Variants in MAD2L1BP observed in about 807,000 individuals in gnomAD.
The protein encoded by MAD2L1BP is MAD2L1 binding protein.
Under a neutral mutation model 28.4 loss-of-function variants are expected in MAD2L1BP, and 22 were observed. The ratio of observed to expected loss-of-function variants is 0.77; its 90% CI spans 0.55 to 1.10. The LOEUF is 1.10. MAD2L1BP is among the 50% of genes least tolerant of loss of function. The pLI is 0.00. For synonymous variants in MAD2L1BP, 146 were observed against 133.7 expected (o/e 1.09, Z -0.63); for missense variants, 325 against 350.5 (o/e 0.93, Z 0.58).
chr6:43,632,769 C>T (rs564464939), upstream of MAD2L1BP, among the ~76,000 whole-genome samples: 1 of 151,228 alleles, frequency 6.6e-6, no homozygotes, highest in Non-Finnish European at 1.5e-5. Context: ...TCCTGTAATC[C>T]CAGCACTTTG....
upstream of MAD2L1BP, among the ~76,000 whole-genome samples, chr6:43,634,007 G>T (rs1038286786): frequency 5.3e-5 from 8 of 152,152 alleles, no homozygotes; most frequent in African/African-American, 1.9e-4. Context: ...CTCCCTGGGT[G>T]ATCTTATTCA....
upstream of MAD2L1BP, chr6:43,633,387 G>T: frequency 3.4e-6 from 1 of 295,672 alleles, no homozygotes; most frequent in Non-Finnish European, 6.6e-6. Context: ...GGTCAGGCTG[G>T]TCTCAAACTC....
chr6:43,637,839 T>G (rs1770327997), intron 2 of MAD2L1BP, among the ~76,000 whole-genome samples: 1 of 152,072 alleles, frequency 6.6e-6, no homozygotes, highest in African/African-American at 2.4e-5. Context: ...CCTCAGGTGA[T>G]CCGCCTGCCT....
chr6:43,632,662 CTTTT>C (rs775956301), upstream of MAD2L1BP, among the ~76,000 whole-genome samples: 3 of 107,392 alleles, frequency 2.8e-5, no homozygotes, highest in African/African-American at 7.1e-5. Context: ...TGACACTTGT[CTTTT>C]TTTTTTTTTT....
At chr6:43,632,769 C>G (rs564464939), upstream of MAD2L1BP, among the ~76,000 whole-genome samples, 83 of 151,344 alleles carry the variant, frequency 5.5e-4, 2 homozygotes, top group South Asian at 8.1e-3. Flanking sequence ...TCCTGTAATC[C>G]CAGCACTTTG....
intron 1 of MAD2L1BP, among the ~76,000 whole-genome samples, chr6:43,630,657 C>A (rs1769853549): frequency 6.6e-6 from 1 of 151,772 alleles, no homozygotes; most frequent in Non-Finnish European, 1.5e-5. Context: ...GCAGGAGAAT[C>A]GCTTGAACCC....
intron 1 of MAD2L1BP, 128 bp downstream of exon 1, chr6:43,636,049 C>T: frequency 5.1e-6 from 5 of 985,362 alleles, no homozygotes; most frequent in South Asian, 4.4e-5. Context: ...GTGTCCTACA[C>T]GGCTCTGGCT....
At chr6:43,634,399 A>T (rs184779361), upstream of MAD2L1BP, among the ~76,000 whole-genome samples, 1,119 of 151,758 alleles carry the variant, frequency 7.4e-3, 16 homozygotes, top group African/African-American at 0.025. Flanking sequence ...TTAAAAAAAA[A>T]TTTTTAATTT....
At position 43,636,607 on chromosome 6, in the gene MAD2L1BP, T is replaced by C. The variant is rs1770236028; in HGVS notation, c.273T>C (p.Tyr91=). The part of the protein sequence containing the change: ...MYQRQQLPLP[Y]EQLKHFYRKP... Reference sequence around the variant, plus strand: ...AACGCCAGCAGCTCCCTCTGCCCTATGAACAGCTTAAGCACTTTTACCGAA... The same window carrying C: ...AACGCCAGCAGCTCCCTCTGCCCTACGAACAGCTTAAGCACTTTTACCGAA... The change falls in exon 2 of 3, where the codon TAT becomes TAC. Residue 91 remains tyrosine (Y), a synonymous_variant. Coordinates refer to ENST00000372171, the MANE Select transcript of MAD2L1BP (RefSeq NM_014628.3). The C allele has an allele frequency of 1.2e-6, 2 of 1,614,056 alleles. No individual in the cohort carries two copies. The highest frequency in any genetic ancestry group is 8.5e-7 in the Non-Finnish European group (1 of 1,180,036).
At chr6:43,631,368 G>T (rs1292757622), upstream of MAD2L1BP, among the ~76,000 whole-genome samples, 1 of 152,316 alleles carries the variant, frequency 6.6e-6, no homozygotes, top group Non-Finnish European at 1.5e-5. Flanking sequence ...TTGGAAGGAA[G>T]AGATAAGACC....
In MAD2L1BP at chr6:43,640,509, G is replaced by A; in HGVS notation, c.801G>A (p.Val267=). ...ACTACATTTGGTTCCAGGCACCAGTGACATTTAAAGGCTTCCGCGAGTGAA... is the reference window on the plus strand; with the variant it reads ...ACTACATTTGGTTCCAGGCACCAGTAACATTTAAAGGCTTCCGCGAGTGAA... ...WEDYIWFQAP[V]TFKGFRE The change falls in exon 3 of 3, where the codon GTG becomes GTA. Residue 267 remains valine, a synonymous_variant. Coordinates refer to ENST00000372171, the MANE Select transcript of MAD2L1BP (RefSeq NM_014628.3). 1.9e-6 allele frequency: 3 copies of A among 1,601,340 alleles called. No homozygotes were observed. Among genetic ancestry groups the A allele is most frequent in the Non-Finnish European group, 2.6e-6 (3 of 1,174,004 alleles).
chr6:43,636,355 C>T (rs775856507), intron 1 of MAD2L1BP, 26 bp from the exon 2 acceptor site: 13 of 1,611,438 alleles, frequency 8.1e-6, no homozygotes, highest in South Asian at 4.4e-5. Flanking sequence ...TAATTTTTCT[C>T]TCTTGTCCCT....
chr6:43,634,794 C>T (rs1242398434), upstream of MAD2L1BP, among the ~76,000 whole-genome samples: 2 of 152,104 alleles, frequency 1.3e-5, no homozygotes, highest in African/African-American at 2.4e-5. Context: ...CTCCTGACCT[C>T]GTGATCCACC....
Position 43,640,167 on chromosome 6 carries a change from C to G in MAD2L1BP, c.459C>G (p.Leu153=). ...ARTLVPRVLI[L]LGGNALSPKE... ...CACTAGTACCGCGAGTGCTGATTCT[C>G]CTTGGGGGCAATGCCCTAAGCCCCA... The change falls in exon 3 of 3, where the codon CTC becomes CTG. Residue 153 remains leucine, a synonymous_variant. Coordinates refer to ENST00000372171, the MANE Select transcript of MAD2L1BP (RefSeq NM_014628.3). The G allele has an allele frequency of 6.2e-7, 1 of 1,613,374 alleles. No homozygotes were observed.
chr6:43,634,254 C>T (rs1204256715), upstream of MAD2L1BP, among the ~76,000 whole-genome samples: 2 of 120,020 alleles, frequency 1.7e-5, no homozygotes, highest in Non-Finnish European at 3.2e-5. Flanking sequence ...TGGTCTTGCT[C>T]TGCTGCCCAG....
rs767998400 is a variant in MAD2L1BP, at chr6:43,640,342, G to A, written c.634G>A (p.Val212Ile). ...TCAGGCTCCTCCACTCATGGGCACCGTCGTCATGGCACAGGGACACCGCAA... is the reference window on the plus strand; with the variant it reads ...TCAGGCTCCTCCACTCATGGGCACCATCGTCATGGCACAGGGACACCGCAA... ...ELQAPPLMGT[V>I]VMAQGHRNCG... Residue 212 changes from valine to isoleucine, a missense_variant, in exon 3 of 3, where the codon GTC (valine) becomes ATC (isoleucine). Val to Ile is a conservative substitution (Grantham distance 29, BLOSUM62 3). Transcript: ENST00000372171. The A allele has an allele frequency of 4.3e-6, 7 of 1,613,810 alleles. No homozygotes were observed. The highest frequency in any genetic ancestry group is 1.3e-5 in the African/African-American group (1 of 75,026).
chr6:43,637,546 C>G (rs1052852142), intron 2 of MAD2L1BP, among the ~76,000 whole-genome samples: 5 of 152,068 alleles, frequency 3.3e-5, no homozygotes, highest in Non-Finnish European at 7.4e-5. Flanking sequence ...CTGCCTCAGC[C>G]TCCCCAGTAG....
In MAD2L1BP at chr6:43,640,390, C is replaced by T; in HGVS notation, c.682C>T (p.Pro228Ser). 6.2e-7 allele frequency: 1 copy of T among 1,614,004 alleles called. No homozygotes were observed. The highest frequency in any genetic ancestry group is 1.3e-5 in the African/African-American group (1 of 75,054). Reference protein sequence around the residue: ...HRNCGEDWFRPKLNYRVPSRG... With the variant: ...HRNCGEDWFRSKLNYRVPSRG... ...CAACTGTGGAGAAGATTGGTTTCGACCCAAGCTCAACTATCGAGTGCCCAG... is the reference window on the plus strand; with the variant it reads ...CAACTGTGGAGAAGATTGGTTTCGATCCAAGCTCAACTATCGAGTGCCCAG... The change falls in exon 3 of 3, where the codon CCC (proline) becomes TCC (serine). Residue 228 changes from proline to serine, a missense_variant. Pro to Ser is a moderately conservative substitution (Grantham distance 74, BLOSUM62 -1). Coordinates refer to ENST00000372171, the MANE Select transcript of MAD2L1BP (RefSeq NM_014628.3).
Position 43,640,533 on chromosome 6 carries a change from A to G in MAD2L1BP, c.825A>G (p.Ter275TrpextTer5). 6.4e-7 allele frequency: 1 copy of G among 1,570,430 alleles called. No homozygotes were observed. ...APVTFKGFRE[*>W] ...TGACATTTAAAGGCTTCCGCGAGTGAATGAGTGCTTCTTAATCCTAAAAAC... is the reference window on the plus strand; with the variant it reads ...TGACATTTAAAGGCTTCCGCGAGTGGATGAGTGCTTCTTAATCCTAAAAAC... The change falls in exon 3 of 3, where the codon TGA becomes TGG. Residue 275 changes from the stop codon to tryptophan (W), a stop_lost. Coordinates refer to ENST00000372171, the MANE Select transcript of MAD2L1BP (RefSeq NM_014628.3).
Sources: allele counts gnomAD v4.1 joint callset (sites outside exome capture counted in the v4.1 genomes callset), GRCh38; gene constraint gnomAD v4.1.1; transcripts MANE v1.5; gene names NCBI Gene and HGNC (gene_info 2026-07-23, HGNC 2026-07-21).